Variants in NLGN4Y observed in about 807,000 individuals in gnomAD.
The protein encoded by NLGN4Y is neuroligin-4, Y-linked.
Under a neutral mutation model 8.4 loss-of-function variants are expected in NLGN4Y, and 4 were observed. The observed-to-expected ratio is 0.48, with a 90% confidence interval of 0.23 to 1.09. The LOEUF (loss-of-function observed/expected upper bound fraction) is 1.09. Among genes scored for constraint, NLGN4Y ranks in the 50% least tolerant of loss-of-function variants. NLGN4Y has a pLI of 0.19. For synonymous variants in NLGN4Y, 35 were observed against 75.6 expected (o/e 0.46, Z 2.78); for missense variants, 90 against 192.3 (o/e 0.47, Z 3.15).
In NLGN4Y at chrY:14,767,263, A is replaced by G; in HGVS notation, c.685+43994A>G. On this transcript the variant is annotated intron_variant, in intron 4 of 6. Transcript: ENST00000684976. ...TCTTTTTGTTATTGATACAATGCAA[A>G]TACAAGTTTTTCATGCAGGGCTGCC... Among the ~76,000 whole-genome samples, 3 of 33,836 alleles carry G rather than the reference A, an allele frequency of 8.9e-5. No homozygotes were observed. The East Asian group carries it at 2.3e-3, about 26-fold the overall frequency. 90.8% of individuals were successfully genotyped at this position (33,836 alleles called of 37,273 possible).
At chrY:14,782,309 C>T in intron 4 of NLGN4Y, among the ~76,000 whole-genome samples, 1 of 33,393 alleles carries the variant, frequency 3.0e-5, no homozygotes. Flanking sequence ...CCAGCATCTT[C>T]TGCTGGCCTC....
intron 4 of NLGN4Y, among the ~76,000 whole-genome samples, chrY:14,744,297 A>C: frequency 3.0e-5 from 1 of 33,372 alleles, no homozygotes; most frequent in Non-Finnish European, 7.4e-5. Flanking sequence ...GTGAACTCTG[A>C]GGGTCTCTTG....
chrY:14,620,322 T>G (rs2080504047), intron 1 of NLGN4Y, among the ~76,000 whole-genome samples: 1 of 33,929 alleles, frequency 2.9e-5, no homozygotes, highest in Admixed American at 2.7e-4. Flanking sequence ...GTCTCTTAAT[T>G]ATTCAGAAAT....
chrY:14,791,995 A>G, intron 4 of NLGN4Y, among the ~76,000 whole-genome samples: 1 of 33,982 alleles, frequency 2.9e-5, no homozygotes, highest in East Asian at 7.8e-4. Flanking sequence ...CAACCATTTG[A>G]GAGCAAGATG....
intron 1 of NLGN4Y, among the ~76,000 whole-genome samples, chrY:14,545,607 C>T (rs2080169959): frequency 1.2e-4 from 4 of 33,271 alleles, no homozygotes; most frequent in South Asian, 6.9e-4. Flanking sequence ...TCGTGTCCTT[C>T]GCCCACTTTT....
chrY:14,648,189 G>T, intron 2 of NLGN4Y, among the ~76,000 whole-genome samples: 1 of 33,530 alleles, frequency 3.0e-5, no homozygotes, highest in Non-Finnish European at 7.4e-5. Flanking sequence ...AGTTTGGGAG[G>T]CCCAGGCGGG....
intron 2 of NLGN4Y, among the ~76,000 whole-genome samples, chrY:14,629,350 C>G: frequency 5.8e-5 from 2 of 34,201 alleles, no homozygotes; most frequent in Non-Finnish European, 1.5e-4. Flanking sequence ...ACAAACTTTT[C>G]TGGCATTCTG....
chrY:14,595,756 C>T, intron 1 of NLGN4Y, among the ~76,000 whole-genome samples: 1 of 33,256 alleles, frequency 3.0e-5, no homozygotes. Context: ...GAACCCGCAA[C>T]GGTCCCTGGA....
At chrY:14,645,658 C>A in intron 2 of NLGN4Y, among the ~76,000 whole-genome samples, 2 of 33,084 alleles carry the variant, frequency 6.0e-5, no homozygotes, top group South Asian at 1.3e-3. Context: ...TAAATTAAAG[C>A]GTGGGCAAAA....
chrY:14,575,526 G>C, intron 1 of NLGN4Y, among the ~76,000 whole-genome samples: 2 of 32,477 alleles, frequency 6.2e-5, no homozygotes, highest in Non-Finnish European at 1.5e-4. Context: ...CTTTGCCATG[G>C]GTTCAAACTT....
intron 1 of NLGN4Y, among the ~76,000 whole-genome samples, chrY:14,553,566 CTG>C (rs557062506): frequency 0.044 from 957 of 21,657 alleles, no homozygotes; most frequent in Middle Eastern, 0.44. Flanking sequence ...GGTACCAAAA[CTG>C]TGTGTGTGTG....
Position 14,524,673 on chromosome Y carries a change from C to A in NLGN4Y, c.-147C>A. On this transcript the variant is annotated 5_prime_UTR_variant, in exon 1 of 7. Coordinates refer to ENST00000684976, the MANE Select transcript of NLGN4Y (RefSeq NM_001365588.1). ...GCCTGAAGCGGCTTGGCTTGACCTG[C>A]GGAAGCGCGGGCCGGGATGGCGTGG... 1 of 121,797 alleles carries A rather than the reference C, an allele frequency of 8.2e-6. No homozygotes were observed. Among genetic ancestry groups the A allele is most frequent in the Non-Finnish European group, 1.8e-5 (1 of 56,110 alleles). 30.4% of individuals were successfully genotyped at this position (121,797 alleles called of 400,897 possible). A position where few individuals can be genotyped will look rare whatever the true frequency, so the allele number is the denominator to read the frequency against.
intron 4 of NLGN4Y, among the ~76,000 whole-genome samples, chrY:14,822,877 T>C (rs2043127710): frequency 3.0e-5 from 1 of 33,821 alleles, no homozygotes; most frequent in Non-Finnish European, 7.4e-5. Context: ...TAATCTCACA[T>C]CAAGTTTCTC....
intron 1 of NLGN4Y, among the ~76,000 whole-genome samples, chrY:14,593,499 C>A: frequency 3.0e-5 from 1 of 33,370 alleles, no homozygotes; most frequent in Non-Finnish European, 7.4e-5. Context: ...GGCTGCCTTC[C>A]GGTATAAGTA....
chrY:14,545,343 G>A, intron 1 of NLGN4Y, among the ~76,000 whole-genome samples: 1 of 33,184 alleles, frequency 3.0e-5, no homozygotes, highest in Admixed American at 2.7e-4. Context: ...CTAGATCCCT[G>A]AGGAATCACC....
intron 2 of NLGN4Y, among the ~76,000 whole-genome samples, chrY:14,649,408 A>G: frequency 3.0e-5 from 1 of 33,296 alleles, no homozygotes; most frequent in East Asian, 7.9e-4. Context: ...TCAAACATCA[A>G]TAGAAGGTTC....
intron 4 of NLGN4Y, among the ~76,000 whole-genome samples, chrY:14,784,486 C>A: frequency 9.2e-5 from 3 of 32,551 alleles, no homozygotes; most frequent in African/African-American, 3.6e-4. Context: ...CGGTGAAACC[C>A]CGTCTCTACT....
At chrY:14,636,620 G>A (rs2080566212) in intron 2 of NLGN4Y, among the ~76,000 whole-genome samples, 1 of 33,157 alleles carries the variant, frequency 3.0e-5, no homozygotes, top group African/African-American at 1.2e-4. Context: ...AGGGATGTTT[G>A]CATTTTATAC....
intron 2 of NLGN4Y, among the ~76,000 whole-genome samples, chrY:14,687,427 A>G (rs1603502714): frequency 3.1e-5 from 1 of 31,875 alleles, no homozygotes; most frequent in Non-Finnish European, 7.6e-5. Flanking sequence ...TATAAAGGAG[A>G]GGTTTAATAG....
Sources: allele counts gnomAD v4.1 joint callset (sites outside exome capture counted in the v4.1 genomes callset), GRCh38; gene constraint gnomAD v4.1.1; transcripts MANE v1.5; gene names NCBI Gene and HGNC (gene_info 2026-07-23, HGNC 2026-07-21).